RBFOX1: variants seen among roughly 807,000 people sequenced by gnomAD.
The protein encoded by RBFOX1 is RNA binding protein fox-1 homolog 1.
In RBFOX1, 8 loss-of-function variants were observed where a neutral mutation model predicts 57.7. That is an observed-to-expected ratio of 0.14 (90% confidence interval 0.08 to 0.25). The LOEUF is 0.25. RBFOX1 is among the 10% of genes least tolerant of loss of function. The pLI, the probability that RBFOX1 is intolerant of heterozygous loss-of-function variation, is 1.00. For missense variants in RBFOX1, 611 were observed against 548.5 expected (o/e 1.11, Z -1.14); for synonymous variants, 326 against 222.4 (o/e 1.47, Z -4.15).
intron 3 of RBFOX1, among the ~76,000 whole-genome samples, chr16:6,853,025 G>A (rs2094152964): frequency 6.6e-6 from 1 of 152,146 alleles, no homozygotes; most frequent in Non-Finnish European, 1.5e-5. Context: ...TGGAACAGCT[G>A]GTCCCAGCTG....
At chr16:7,557,730 C>T (rs1018704283) in intron 5 of RBFOX1, among the ~76,000 whole-genome samples, 18 of 148,064 alleles carry the variant, frequency 1.2e-4, no homozygotes, top group African/African-American at 4.5e-4. Context: ...GTTACAAACA[C>T]ATATTGCTGG....
intron 3 of RBFOX1, among the ~76,000 whole-genome samples, chr16:6,802,027 C>T (rs76040073): frequency 0.059 from 8,899 of 151,966 alleles, 487 homozygotes; most frequent in South Asian, 0.15. Context: ...TTTTAGACCC[C>T]GCAATAAACT....
chr16:5,358,614 A>G (rs2065457965), intron 1 of RBFOX1, among the ~76,000 whole-genome samples: 2 of 152,164 alleles, frequency 1.3e-5, no homozygotes, highest in African/African-American at 4.8e-5. Flanking sequence ...ACCTGAGGTC[A>G]GGAGTTTGAG....
chr16:6,210,358 C>CAAAAAAAAAAAAAAA (rs1567684381), intron 1 of RBFOX1, among the ~76,000 whole-genome samples: 2 of 96,686 alleles, frequency 2.1e-5, no homozygotes, highest in African/African-American at 3.7e-5. Flanking sequence ...AAAAAAAAAA[C>CAAAAAAAAAAAAAAA]ACCAAAAAAA....
intron 2 of RBFOX1, among the ~76,000 whole-genome samples, chr16:5,513,190 G>A (rs1000454732): frequency 6.6e-6 from 1 of 152,168 alleles, no homozygotes; most frequent in African/African-American, 2.4e-5. Context: ...GGGATTACAG[G>A]TGTGAGCCAA....
intron 4 of RBFOX1, among the ~76,000 whole-genome samples, chr16:7,114,379 A>T (rs1308170651): frequency 6.6e-6 from 1 of 152,166 alleles, no homozygotes; most frequent in East Asian, 1.9e-4. Flanking sequence ...TTCTAAATTT[A>T]TACCCCTGGG....
intron 3 of RBFOX1, among the ~76,000 whole-genome samples, chr16:5,788,779 G>T (rs1168172186): frequency 6.6e-6 from 1 of 152,012 alleles, no homozygotes; most frequent in East Asian, 1.9e-4. Flanking sequence ...GAGTGACGTT[G>T]TCAGTGACAG....
chr16:5,416,991 G>T (rs1481606263), intron 1 of RBFOX1, among the ~76,000 whole-genome samples: 4 of 152,100 alleles, frequency 2.6e-5, no homozygotes, highest in Admixed American at 6.5e-5. Context: ...AACCCAGCCC[G>T]CTGAAAATGA....
At chr16:5,376,453 C>T (rs1472735967) in intron 1 of RBFOX1, among the ~76,000 whole-genome samples, 3 of 151,952 alleles carry the variant, frequency 2.0e-5, no homozygotes, top group African/African-American at 7.3e-5. Context: ...GGGTGGGGAC[C>T]CTGCTCACTA....
intron 2 of RBFOX1, among the ~76,000 whole-genome samples, chr16:6,544,558 TTTCTC>T (rs2096868930): frequency 6.6e-6 from 1 of 152,198 alleles, no homozygotes; most frequent in Admixed American, 6.5e-5. Context: ...TTGGTATTGT[TTTCTC>T]TTAGCATTCG....
chr16:6,518,390 T>C (rs1419604521), intron 2 of RBFOX1, among the ~76,000 whole-genome samples: 1 of 151,730 alleles, frequency 6.6e-6, no homozygotes, highest in Non-Finnish European at 1.5e-5. Context: ...AAGTTGGGGG[T>C]CATGGGGAAA....
At chr16:7,472,584 G>A (rs1023893300) in intron 4 of RBFOX1, among the ~76,000 whole-genome samples, 58 of 152,242 alleles carry the variant, frequency 3.8e-4, no homozygotes, top group Middle Eastern at 3.4e-3. Context: ...ACTGTGAAAC[G>A]ACTCCTTCCA....
chr16:7,329,690 T>C (rs2096658973), intron 4 of RBFOX1, among the ~76,000 whole-genome samples: 1 of 152,138 alleles, frequency 6.6e-6, no homozygotes, highest in Non-Finnish European at 1.5e-5. Context: ...TCAGAGAATG[T>C]ATGAGTAATG....
intron 1 of RBFOX1, among the ~76,000 whole-genome samples, chr16:6,223,667 T>C (rs1212459498): frequency 6.6e-6 from 1 of 152,216 alleles, no homozygotes. Flanking sequence ...TTCACTCTGA[T>C]GGTAGTTTCC....
In RBFOX1 at chr16:6,993,479, G is replaced by A. The variant is rs2091820498; in HGVS notation, c.-15-58578G>A. Among the ~76,000 whole-genome samples the A allele has an allele frequency of 6.6e-5, 10 of 152,280 alleles. No individual in the cohort carries two copies. The Middle Eastern group carries it at 0.024, about 363-fold the overall frequency. On this transcript the variant is annotated intron_variant, in intron 3 of 15. Coordinates refer to ENST00000550418, the MANE Select transcript of RBFOX1 (RefSeq NM_018723.4). The stretch of plus-strand genomic sequence containing the variant: ...AGAGTGGGAAGGGGAGATGGGGAAA[G>A]CCATCCTGTTGCATTGAAGAAACGG...
intron 1 of RBFOX1, among the ~76,000 whole-genome samples, chr16:6,198,123 G>A (rs1275271140): frequency 6.6e-6 from 1 of 152,080 alleles, no homozygotes; most frequent in African/African-American, 2.4e-5. Context: ...CAGACTTTTG[G>A]GGGAAGGATG....
chr16:7,158,916 A>G (rs989241215), intron 4 of RBFOX1, among the ~76,000 whole-genome samples: 3 of 152,042 alleles, frequency 2.0e-5, no homozygotes, highest in Admixed American at 2.0e-4. Context: ...TTTGTATTAC[A>G]AACATTTATC....
At chr16:7,657,954 C>G (rs1161151850) in intron 12 of RBFOX1, among the ~76,000 whole-genome samples, 1 of 152,192 alleles carries the variant, frequency 6.6e-6, no homozygotes, top group East Asian at 1.9e-4. Context: ...GTAAATAAGA[C>G]TGGGCCCCAA....
At chr16:6,603,344 C>T (rs995729732) in intron 2 of RBFOX1, among the ~76,000 whole-genome samples, 1 of 152,134 alleles carries the variant, frequency 6.6e-6, no homozygotes, top group African/African-American at 2.4e-5. Context: ...TATGAAATAG[C>T]TTGATGTATA....
Sources: allele counts gnomAD v4.1 joint callset (sites outside exome capture counted in the v4.1 genomes callset), GRCh38; gene constraint gnomAD v4.1.1; transcripts MANE v1.5; gene names NCBI Gene and HGNC (gene_info 2026-07-23, HGNC 2026-07-21).